Variants in CDC14A observed in about 807,000 individuals in gnomAD.
The protein encoded by CDC14A is dual specificity protein phosphatase CDC14A.
CDC14A carries 53 observed loss-of-function variants against 74.4 expected under a neutral mutation model. That is an observed-to-expected ratio of 0.71 (90% CI 0.57 to 0.89). The LOEUF (loss-of-function observed/expected upper bound fraction) is 0.89. Ranked by LOEUF, CDC14A falls within the 40% of genes least tolerant of loss-of-function variation. The pLI is 0.00. For synonymous variants in CDC14A, 247 were observed against 258.4 expected (o/e 0.96, Z 0.43); for missense variants, 646 against 713.7 (o/e 0.91, Z 1.08).
intron 11 of CDC14A, among the ~76,000 whole-genome samples, chr1:100,488,924 G>A (rs1670336923): frequency 6.6e-6 from 1 of 152,130 alleles, no homozygotes; most frequent in Admixed American, 6.5e-5. Flanking sequence ...TTAAGCAGGG[G>A]AGTGACAGCA....
Position 100,352,780 on chromosome 1 carries a change from G to C in CDC14A, c.-175G>C. ...GTTCCCCTCGGAATGTCCCCGGGGCGCCCGGCGCGCTGACCCCGAAGCCGC... is the reference window on the plus strand; with the variant it reads ...GTTCCCCTCGGAATGTCCCCGGGGCCCCCGGCGCGCTGACCCCGAAGCCGC... On this transcript the variant is annotated 5_prime_UTR_variant, in exon 1 of 16. Transcript: ENST00000336454. 7.0e-7 allele frequency: 1 copy of C among 1,421,230 alleles called. No individual in the cohort carries two copies. Among genetic ancestry groups the C allele is most frequent in the Non-Finnish European group, 9.1e-7 (1 of 1,094,278 alleles). 88.0% of individuals were successfully genotyped at this position (1,421,230 alleles called of 1,614,324 possible).
intron 4 of CDC14A, among the ~76,000 whole-genome samples, chr1:100,412,126 G>T (rs1048696050): frequency 5.9e-5 from 9 of 152,154 alleles, no homozygotes; most frequent in Non-Finnish European, 1.3e-4. Context: ...TGACCTGTGG[G>T]TCTCTTAGGG....
chr1:100,483,197 C>T (rs1187362613), intron 10 of CDC14A, among the ~76,000 whole-genome samples: 3 of 152,084 alleles, frequency 2.0e-5, no homozygotes, highest in Admixed American at 6.6e-5. Context: ...AACTAATTTA[C>T]ACTCCCACCA....
At chr1:100,477,621 A>AG (rs1669042564) in intron 10 of CDC14A, among the ~76,000 whole-genome samples, 1 of 152,144 alleles carries the variant, frequency 6.6e-6, no homozygotes, top group Non-Finnish European at 1.5e-5. Context: ...GAAAAAAGAA[A>AG]AAAACAAGGC....
intron 9 of CDC14A, among the ~76,000 whole-genome samples, chr1:100,466,562 A>G (rs1667825192): frequency 6.6e-6 from 1 of 152,138 alleles, no homozygotes; most frequent in Non-Finnish European, 1.5e-5. Flanking sequence ...GAAACAGAGT[A>G]TGAATACTTC....
intron 4 of CDC14A, among the ~76,000 whole-genome samples, chr1:100,397,496 C>T (rs1169531059): frequency 2.0e-5 from 3 of 152,032 alleles, no homozygotes; most frequent in Non-Finnish European, 4.4e-5. Flanking sequence ...AGGTTCTTGC[C>T]ATGTGCTTAA....
chr1:100,518,764 A>C lies in CDC14A; in HGVS notation c.*484A>C, dbSNP rs896361395. 4 of 152,622 alleles carry C rather than the reference A, an allele frequency of 2.6e-5. No homozygotes were observed. Among genetic ancestry groups the C allele is most frequent in the African/African-American group, 9.7e-5 (4 of 41,436 alleles). The allele number at this position is 152,622 out of a possible 1,614,324, so 9.5% of individuals were successfully genotyped here. On this transcript the variant is annotated 3_prime_UTR_variant, in exon 16 of 16. Transcript: ENST00000336454. ...TTAGTTTTAGTATGGTTTTGTCTCT[A>C]ATGAATAAATAATTCCTTCTTATTA...
chr1:100,487,076 G>C (rs1471837079), intron 11 of CDC14A, among the ~76,000 whole-genome samples: 1 of 152,114 alleles, frequency 6.6e-6, no homozygotes, highest in Non-Finnish European at 1.5e-5. Flanking sequence ...AAAAGTCTAT[G>C]GAATTTCTGG....
chr1:100,512,096 T>G (rs1469899186), intron 15 of CDC14A, among the ~76,000 whole-genome samples: 1 of 152,014 alleles, frequency 6.6e-6, no homozygotes, highest in Non-Finnish European at 1.5e-5. Context: ...ATTTTGTATT[T>G]CTTGACCTGG....
chr1:100,413,125 G>A (rs1661093310), intron 4 of CDC14A, among the ~76,000 whole-genome samples: 1 of 152,102 alleles, frequency 6.6e-6, no homozygotes, highest in African/African-American at 2.4e-5. Context: ...CTGTCATGTG[G>A]CACATGTTTG....
At chr1:100,370,129 A>G (rs1654252894) in intron 2 of CDC14A, among the ~76,000 whole-genome samples, 1 of 152,042 alleles carries the variant, frequency 6.6e-6, no homozygotes, top group Non-Finnish European at 1.5e-5. Flanking sequence ...GACTACAGGC[A>G]TGCACTACCA....
intron 3 of CDC14A, among the ~76,000 whole-genome samples, chr1:100,382,534 G>C (rs558160526): frequency 3.9e-4 from 59 of 151,454 alleles, no homozygotes; most frequent in Non-Finnish European, 7.7e-4. Context: ...CACTGTGCTT[G>C]GCCGTCAATA....
chr1:100,389,464 T>A (rs551336999), intron 3 of CDC14A, among the ~76,000 whole-genome samples: 307 of 143,468 alleles, frequency 2.1e-3, no homozygotes, highest in African/African-American at 4.5e-3. Context: ...AAAAAAAAAA[T>A]ATATATATAT....
chr1:100,349,093 G>C (rs904546441), upstream of CDC14A, among the ~76,000 whole-genome samples: 2 of 152,160 alleles, frequency 1.3e-5, no homozygotes, highest in Non-Finnish European at 2.9e-5. Flanking sequence ...CTACTCTGGA[G>C]GCTGTGGCAG....
intron 4 of CDC14A, among the ~76,000 whole-genome samples, chr1:100,412,441 G>A (rs1366258819): frequency 1.3e-5 from 2 of 151,608 alleles, no homozygotes; most frequent in African/African-American, 4.9e-5. Flanking sequence ...ATGAAGAAAT[G>A]AATTACCTGG....
intron 7 of CDC14A, among the ~76,000 whole-genome samples, chr1:100,443,330 G>A (rs945342796): frequency 2.0e-5 from 3 of 151,884 alleles, no homozygotes; most frequent in Admixed American, 2.0e-4. Context: ...AACTGAATTT[G>A]TACCTTTTAT....
rs1650543435 is a variant in CDC14A at position 100,519,858 on chromosome 1, A to G, written c.*1578A>G. 1 of 152,444 alleles carries G rather than the reference A, an allele frequency of 6.6e-6. No homozygotes were observed. The highest frequency in any genetic ancestry group is 2.4e-5 in the African/African-American group (1 of 41,468). 9.4% of individuals were successfully genotyped at this position (152,444 alleles called of 1,614,324 possible). A position where few individuals can be genotyped will look rare whatever the true frequency, so the allele number is the denominator to read the frequency against. ...TATTATAAAAATTGGTTAATTGTAT[A>G]GGAAGATGACAGTATTTTTTTCAAG... On this transcript the variant is annotated 3_prime_UTR_variant, in exon 16 of 16. Transcript: ENST00000336454.
At chr1:100,439,840 C>T (rs1288274959) in intron 5 of CDC14A, 92 bp from the exon 6 acceptor site, 12 of 852,274 alleles carry the variant, frequency 1.4e-5, no homozygotes, top group Non-Finnish European at 2.0e-5. Context: ...TGAAGCCAAA[C>T]AAGCACATCT....
intron 9 of CDC14A, among the ~76,000 whole-genome samples, chr1:100,466,653 C>T (rs1667834781): frequency 6.6e-6 from 1 of 152,044 alleles, no homozygotes; most frequent in South Asian, 2.1e-4. Flanking sequence ...GGCAGATCAC[C>T]TGAGGTCAGG....
Sources: gnomAD v4.1 joint callset for allele counts (sites outside exome capture counted in the v4.1 genomes callset) on GRCh38, gnomAD v4.1.1 for gene constraint, MANE v1.5 for transcripts, NCBI Gene and HGNC (gene_info 2026-07-23, HGNC 2026-07-21) for gene names.